Variants in KIRREL1 observed in about 807,000 individuals in gnomAD.
KIRREL1 encodes the protein kin of IRRE-like protein 1.
KIRREL1 carries 25 observed loss-of-function variants against 83.3 expected under a neutral mutation model. The observed-to-expected ratio is 0.30, with a 90% CI of 0.22 to 0.42. The LOEUF is 0.42. Ranked by LOEUF, KIRREL1 falls within the 10% of genes least tolerant of loss-of-function variation. The pLI is 1.00. For missense variants in KIRREL1, 812 were observed against 1,032.3 expected (o/e 0.79, Z 2.92); for synonymous variants, 388 against 410.4 (o/e 0.95, Z 0.66).
In KIRREL1 at chr1:158,096,800, G is replaced by A. The variant is rs545453472; in HGVS notation, c.*1680G>A. ...CAGTGTCTGGAGTTGGCTGTTTCCC[G>A]CCTCCCCAGCTGCATGTCCAGCCCA... On this transcript the variant is annotated 3_prime_UTR_variant, in exon 15 of 15. Coordinates refer to ENST00000359209, the MANE Select transcript of KIRREL1 (RefSeq NM_018240.7). 10 of 456,512 alleles carry A rather than the reference G, an allele frequency of 2.2e-5. No individual in the cohort carries two copies. Among genetic ancestry groups the A allele is most frequent in the South Asian group, 4.6e-5 (3 of 64,564 alleles). 28.3% of individuals were successfully genotyped at this position (456,512 alleles called of 1,614,324 possible).
intron 11 of KIRREL1, among the ~76,000 whole-genome samples, chr1:158,092,528 T>C (rs1485853608): frequency 6.6e-6 from 1 of 152,054 alleles, no homozygotes; most frequent in Non-Finnish European, 1.5e-5. Flanking sequence ...TTTGTATTTT[T>C]AGTGGAGACG....
At chr1:158,010,387 A>G (rs1571532960) in intron 1 of KIRREL1, among the ~76,000 whole-genome samples, 1 of 137,192 alleles carries the variant, frequency 7.3e-6, no homozygotes, top group African/African-American at 2.8e-5. Context: ...AGAATGTCAC[A>G]CACATGCATA....
At position 158,022,352 on chromosome 1, in the gene KIRREL1, G is replaced by A. The variant is rs11806280; in HGVS notation, c.52+28624G>A. Among the ~76,000 whole-genome samples, 24 of 152,252 alleles carry A rather than the reference G, an allele frequency of 1.6e-4. 1 individual carries two copies. The highest frequency in any genetic ancestry group is 4.8e-4 in the African/African-American group (20 of 41,550). ...ACACCTACTATGTTCTGGGATGTCCGTTCTGGAAAGGACCTTAGAGGTAAT... is the reference window on the plus strand; with the variant it reads ...ACACCTACTATGTTCTGGGATGTCCATTCTGGAAAGGACCTTAGAGGTAAT... On this transcript the variant is annotated intron_variant, in intron 1 of 14. Coordinates refer to ENST00000359209, the MANE Select transcript of KIRREL1 (RefSeq NM_018240.7).
At chr1:158,005,704 G>C (rs552335469) in intron 1 of KIRREL1, among the ~76,000 whole-genome samples, 1 of 152,118 alleles carries the variant, frequency 6.6e-6, no homozygotes, top group Non-Finnish European at 1.5e-5. Context: ...AGGAAGGTAG[G>C]TCATAGACTT....
intron 1 of KIRREL1, among the ~76,000 whole-genome samples, chr1:158,042,768 T>C (rs1295412284): frequency 6.6e-6 from 1 of 152,106 alleles, no homozygotes; most frequent in African/African-American, 2.4e-5. Context: ...ATGTTATTAC[T>C]ATGCCTTATA....
intron 1 of KIRREL1, among the ~76,000 whole-genome samples, chr1:158,049,385 A>G (rs1224658809): frequency 6.6e-6 from 1 of 152,020 alleles, no homozygotes; most frequent in Non-Finnish European, 1.5e-5. Context: ...GATGGAGAGG[A>G]GTGAGTCAAG....
chr1:158,012,930 G>C (rs750538207), intron 1 of KIRREL1, among the ~76,000 whole-genome samples: 1 of 152,208 alleles, frequency 6.6e-6, no homozygotes, highest in Non-Finnish European at 1.5e-5. Flanking sequence ...AGGATGTTTA[G>C]CTTCATTCCT....
In KIRREL1 at chr1:158,033,216, C is replaced by T. The variant is rs186765699; in HGVS notation, c.52+39488C>T. 2.3e-3 allele frequency among the ~76,000 whole-genome samples: 345 copies of T among 152,220 alleles called. 10 individuals are homozygous for T. The highest frequency in any genetic ancestry group is 0.022 in the Admixed American group (337 of 15,288). ...CCTCCCCAGTAGCTGGGATCACAGG[C>T]GCCCACCACCATGCCCAGCTAATTT... On this transcript the variant is annotated intron_variant, in intron 1 of 14. Coordinates refer to ENST00000359209, the MANE Select transcript of KIRREL1 (RefSeq NM_018240.7).
At chr1:158,046,793 G>A (rs1660790457) in intron 1 of KIRREL1, among the ~76,000 whole-genome samples, 1 of 152,180 alleles carries the variant, frequency 6.6e-6, no homozygotes. Context: ...TAGGTCATTG[G>A]TAACTCAGCA....
At chr1:158,048,353 C>G (rs1006641387) in intron 1 of KIRREL1, among the ~76,000 whole-genome samples, 1 of 152,186 alleles carries the variant, frequency 6.6e-6, no homozygotes, top group African/African-American at 2.4e-5. Context: ...CAGGTTGCTC[C>G]AGGTTGAGTA....
chr1:158,029,369 A>ATGTGTGTGTGTGTGTGTGTGTGTGTGTG (rs1218198001), intron 1 of KIRREL1, among the ~76,000 whole-genome samples: 14 of 145,114 alleles, frequency 9.6e-5, no homozygotes, highest in Non-Finnish European at 1.5e-4. Flanking sequence ...GTGTGTGTGC[A>ATGTGTGTGTGTGTGTGTGTGTGTGTGTG]CGTGCGCGCG....
chr1:158,008,227 G>A (rs1020838488), intron 1 of KIRREL1, among the ~76,000 whole-genome samples: 5 of 152,000 alleles, frequency 3.3e-5, no homozygotes, highest in African/African-American at 4.8e-5. Flanking sequence ...GGGGCGGGGC[G>A]CAGTGAGAAG....
intron 1 of KIRREL1, among the ~76,000 whole-genome samples, chr1:158,015,452 C>T (rs1659803033): frequency 6.6e-6 from 1 of 152,162 alleles, no homozygotes; most frequent in African/African-American, 2.4e-5. Context: ...ATGGTTTTGG[C>T]CCCTTAAAGA....
intron 1 of KIRREL1, among the ~76,000 whole-genome samples, chr1:158,042,181 T>C (rs1028208051): frequency 9.9e-5 from 15 of 151,484 alleles, no homozygotes; most frequent in Admixed American, 5.3e-4. Flanking sequence ...CCCAGGGCCA[T>C]GAGTAGCTGC....
intron 1 of KIRREL1, among the ~76,000 whole-genome samples, chr1:158,015,552 G>A (rs1659805147): frequency 6.6e-6 from 1 of 152,160 alleles, no homozygotes; most frequent in Non-Finnish European, 1.5e-5. Context: ...ACTCCTTACT[G>A]CATTTATGGT....
intron 1 of KIRREL1, among the ~76,000 whole-genome samples, chr1:158,051,041 A>G (rs185456007): frequency 2.0e-3 from 304 of 152,276 alleles, no homozygotes; most frequent in African/African-American, 7.2e-3. Context: ...TGGGGAGAAA[A>G]GACATCTGTC....
chr1:157,996,902 A>C (rs1347167177), intron 1 of KIRREL1, among the ~76,000 whole-genome samples: 2 of 152,122 alleles, frequency 1.3e-5, no homozygotes, highest in Admixed American at 6.5e-5. Flanking sequence ...CAGGAGGAGG[A>C]GGAGGAGGCA....
chr1:157,993,879 G>GC, intron 1 of KIRREL1, 151 bp downstream of exon 1: 1 of 473,288 alleles, frequency 2.1e-6, no homozygotes, highest in Non-Finnish European at 3.8e-6. Context: ...CGGGCGCAGA[G>GC]CCCTGGGGGA....
Position 158,094,707 on chromosome 1 carries a change from C to T in KIRREL1, c.1861C>T (p.Leu621Phe). 6.2e-7 allele frequency: 1 copy of T among 1,612,558 alleles called. No individual in the cohort carries two copies. The highest frequency in any genetic ancestry group is 8.5e-7 in the Non-Finnish European group (1 of 1,179,946). ...AGACCGCCCGTCTTCCAGGGCAGTG[C>T]TCTATGCTGACTACCGTGCCCCTGG... ...HEDRPSSRAV[L>F]YADYRAPGPA... is the part of the protein sequence containing the mutation. The change falls in exon 15 of 15, where the codon CTC becomes TTC. Residue 621 changes from leucine to phenylalanine, a missense_variant. Physicochemically the swap from Leu to Phe is conservative, Grantham distance 22. Coordinates refer to ENST00000359209, the MANE Select transcript of KIRREL1 (RefSeq NM_018240.7). The surrounding 1 kb of genome is among the most constrained non-coding windows in gnomAD (Gnocchi z 4.6).
Sources: allele counts gnomAD v4.1 joint callset (sites outside exome capture counted in the v4.1 genomes callset), GRCh38; gene constraint gnomAD v4.1.1; non-coding constraint Gnocchi (gnomAD v3.1); transcripts MANE v1.5; gene names NCBI Gene and HGNC (gene_info 2026-07-23, HGNC 2026-07-21).